MCF2L: variants seen among roughly 807,000 people sequenced by gnomAD.
MCF2L encodes MCF.2 cell line derived transforming sequence like.
A neutral mutation model predicts 153.4 loss-of-function variants in MCF2L; 97 were observed. The ratio of observed to expected loss-of-function variants is 0.63; its 90% CI spans 0.54 to 0.75. The LOEUF is 0.75. Ranked by LOEUF, MCF2L falls within the 30% of genes least tolerant of loss-of-function variation. The probability of loss-of-function intolerance (pLI) is 0.00; values close to 1 mark genes in which losing one functional copy is unlikely to be tolerated. For missense variants in MCF2L, 1,347 were observed against 1,495.2 expected (o/e 0.90, Z 1.64); for synonymous variants, 659 against 632.2 (o/e 1.04, Z -0.64).
At chr13:113,083,392 C>T (rs986473810) in intron 17 of MCF2L, among the ~76,000 whole-genome samples, 1 of 152,222 alleles carries the variant, frequency 6.6e-6, no homozygotes, top group South Asian at 2.1e-4. Flanking sequence ...GAGCCTTCCA[C>T]GTCCACGGAG....
At chr13:113,004,780 C>T (rs867025872) in intron 1 of MCF2L, among the ~76,000 whole-genome samples, 1 of 152,238 alleles carries the variant, frequency 6.6e-6, no homozygotes, top group Non-Finnish European at 1.5e-5. Context: ...TGACACCAAG[C>T]ACACGGACCA....
At chr13:113,026,237 C>T (rs1221786598) in intron 3 of MCF2L, among the ~76,000 whole-genome samples, 5 of 151,142 alleles carry the variant, frequency 3.3e-5, no homozygotes, top group Non-Finnish European at 7.4e-5. Context: ...GGCTGGGGTC[C>T]CCGTGACTGT....
intron 8 of MCF2L, among the ~76,000 whole-genome samples, chr13:113,066,789 C>A (rs1416535858): frequency 1.3e-5 from 2 of 151,890 alleles, no homozygotes; most frequent in Non-Finnish European, 2.9e-5. Context: ...GTGCTATCAG[C>A]CCTGCCTCCG....
intron 1 of MCF2L, chr13:112,894,454 G>C (rs2081045827): frequency 6.6e-6 from 1 of 151,496 alleles, no homozygotes; most frequent in Non-Finnish European, 1.5e-5. Flanking sequence ...CGGGGGCCTG[G>C]AGGGGGCGCG....
intron 1 of MCF2L, among the ~76,000 whole-genome samples, chr13:112,999,560 G>A (rs905101887): frequency 3.3e-5 from 5 of 152,200 alleles, no homozygotes; most frequent in African/African-American, 9.6e-5. Flanking sequence ...TGCCTGAGAC[G>A]TCCCAGCCCT....
At chr13:113,090,155 A>G (rs2035064695) in intron 26 of MCF2L, 1 of 1,535,996 alleles carries the variant, frequency 6.5e-7, no homozygotes, top group South Asian at 1.2e-5. Flanking sequence ...CTCAAAGGTC[A>G]GAAAGGTAAA....
In MCF2L at chr13:113,089,699, C is replaced by T. The variant is rs1184211034; in HGVS notation, c.2924C>T (p.Pro975Leu). 1 of 1,613,740 alleles carries T rather than the reference C, an allele frequency of 6.2e-7. No individual in the cohort carries two copies. Among genetic ancestry groups the T allele is most frequent in the African/African-American group, 1.3e-5 (1 of 74,928 alleles). The change falls in exon 26 of 30, where the codon CCA becomes CTA. Residue 975 changes from proline (P) to leucine (L), a missense_variant. This residue lies in a region of MCF2L where 383 missense variants were observed against 335.4 expected (regional missense o/e 1.14). Coordinates refer to ENST00000535094, the MANE Select transcript of MCF2L (RefSeq NM_001112732.3). Reference protein sequence around the residue: ...LSLEGYVSSAPLTKPPEKGKG... With the variant: ...LSLEGYVSSALLTKPPEKGKG... The stretch of plus-strand genomic sequence containing the variant: ...CTGGAGGGATACGTCAGCTCAGCGC[C>T]ACTGACAAAGCCCCCCGAAAAGGGC...
chr13:112,991,031 T>TC (rs2082876492), intron 1 of MCF2L, among the ~76,000 whole-genome samples: 1 of 152,148 alleles, frequency 6.6e-6, no homozygotes, highest in African/African-American at 2.4e-5. Context: ...CTGCTCGGCC[T>TC]CCGCCACCTG....
At chr13:112,985,990 C>T (rs1389055780) in intron 1 of MCF2L, among the ~76,000 whole-genome samples, 1 of 152,096 alleles carries the variant, frequency 6.6e-6, no homozygotes, top group Admixed American at 6.5e-5. Context: ...TGAGCCCCGG[C>T]CACTCTTCCT....
chr13:113,085,465 G>A lies in MCF2L; in HGVS notation c.2247+287G>A, dbSNP rs541526505. 1.2e-3 allele frequency among the ~76,000 whole-genome samples: 186 copies of A among 152,310 alleles called. 1 individual carries two copies. Among genetic ancestry groups the A allele is most frequent in the Non-Finnish European group, 2.3e-3 (154 of 68,018 alleles). ...TGACCCGTCCCTCCAGGGTGGAGCC[G>A]TGCCCGGATTATCTGGCACACAGCA... On this transcript the variant is annotated intron_variant, in intron 20 of 29. Coordinates refer to ENST00000535094, the MANE Select transcript of MCF2L (RefSeq NM_001112732.3).
At chr13:112,961,757 T>C (rs1161144225) in intron 2 of MCF2L, among the ~76,000 whole-genome samples, 1 of 152,216 alleles carries the variant, frequency 6.6e-6, no homozygotes, top group Non-Finnish European at 1.5e-5. Context: ...GTTCAGGTCC[T>C]TCCGGAAGGT....
At position 112,970,702 on chromosome 13, in the gene MCF2L, G is replaced by A. The variant is rs75876979; in HGVS notation, c.79+1244G>A. 9.7e-3 allele frequency among the ~76,000 whole-genome samples: 1,480 copies of A among 152,184 alleles called. 31 individuals carry two copies. The highest frequency in any genetic ancestry group is 0.033 in the African/African-American group (1,357 of 41,522). On this transcript the variant is annotated intron_variant, in intron 1 of 29. Transcript: ENST00000535094. ...CGTTCGGTGTCAGAGTCACAGAGTG[G>A]GAACCGCTCCAGAGGCTGATGTCAT...
chr13:112,969,304 T>G lies in MCF2L; in HGVS notation c.-76T>G. 1 of 1,526,874 alleles carries G rather than the reference T, an allele frequency of 6.5e-7. No individual in the cohort carries two copies. The highest frequency in any genetic ancestry group is 1.4e-5 in the African/African-American group (1 of 72,324). The allele number at this position is 1,526,874 out of a possible 1,614,324, so 94.6% of individuals were successfully genotyped here. ...CGCCTCCGCCGCGCCCCCTCCGCAC[T>G]CGCACGGCCCCACCCGCAGGCGCCC... On this transcript the variant is annotated 5_prime_UTR_variant, in exon 1 of 30. Coordinates refer to ENST00000535094, the MANE Select transcript of MCF2L (RefSeq NM_001112732.3). This position sits in a 1 kb window ranked among gnomAD's most constrained non-coding sequence, Gnocchi z 4.8.
chr13:112,950,908 T>C (rs1300492557), intron 2 of MCF2L, among the ~76,000 whole-genome samples: 2 of 152,206 alleles, frequency 1.3e-5, no homozygotes, highest in African/African-American at 4.8e-5. Flanking sequence ...TGAAAACTTA[T>C]GCTGTGTGAA....
At chr13:113,095,754 G>A (rs1399152376) in intron 27 of MCF2L, 37 of 997,058 alleles carry the variant, frequency 3.7e-5, no homozygotes, top group Non-Finnish European at 4.3e-5. Context: ...AGCACCAGGA[G>A]GCTGTGAATC....
At chr13:113,042,942 G>A (rs1387535436) in intron 3 of MCF2L, 1 of 152,214 alleles carries the variant, frequency 6.6e-6, no homozygotes, top group Non-Finnish European at 1.5e-5. Flanking sequence ...TCTATTCCAG[G>A]GAAAAGGGGA....
intron 3 of MCF2L, among the ~76,000 whole-genome samples, chr13:113,041,999 C>T (rs1392306624): frequency 1.3e-5 from 2 of 152,162 alleles, no homozygotes; most frequent in Non-Finnish European, 1.5e-5. Context: ...ACCAGCCTCA[C>T]GGGATGGTCG....
chr13:113,019,617 G>A (rs2084753303), intron 2 of MCF2L, among the ~76,000 whole-genome samples: 2 of 152,232 alleles, frequency 1.3e-5, no homozygotes, highest in African/African-American at 4.8e-5. Flanking sequence ...CCTGCTTCAA[G>A]GAATCCGATG....
rs1268851825 is a variant in MCF2L at position 112,960,507 on chromosome 13, C to T, written c.170-54256C>T. Among the ~76,000 whole-genome samples the T allele has an allele frequency of 1.3e-5, 2 of 152,032 alleles. No individual in the cohort carries two copies. The highest frequency in any genetic ancestry group is 2.9e-5 in the Non-Finnish European group (2 of 68,004). On this transcript the variant is annotated intron_variant, in intron 2 of 29. Transcript: ENST00000375608. The surrounding 1 kb of genome is among the most constrained non-coding windows in gnomAD (Gnocchi z 4.2). ...CATTGAAATGTGGGTGTGATGGATGCTGGAGTTTCTCTCCAAGGGGGCGGG... is the reference window on the plus strand; with the variant it reads ...CATTGAAATGTGGGTGTGATGGATGTTGGAGTTTCTCTCCAAGGGGGCGGG...
Sources: gnomAD v4.1 joint callset for allele counts (sites outside exome capture counted in the v4.1 genomes callset) on GRCh38, gnomAD v4.1.1 for gene constraint, gnomAD v4.1.1 regional missense constraint, Gnocchi (gnomAD v3.1) non-coding constraint, MANE v1.5 for transcripts, NCBI Gene and HGNC (gene_info 2026-07-23, HGNC 2026-07-21) for gene names.